The following MUC5B variants were observed in gnomAD, a reference collection of about 807,000 sequenced individuals.
MUC5B encodes the protein mucin-5B.
A neutral mutation model predicts 376.9 loss-of-function variants in MUC5B; 116 were observed. That is an observed-to-expected ratio of 0.31 (90% confidence interval 0.26 to 0.36). MUC5B has a LOEUF of 0.36. Ranked by LOEUF, MUC5B falls within the 10% of genes least tolerant of loss-of-function variation. The pLI, the probability that MUC5B is intolerant of heterozygous loss-of-function variation, is 1.00. For missense variants in MUC5B, 7,165 were observed against 7,769.9 expected (o/e 0.92, Z 2.93); for synonymous variants, 3,517 against 3,390.9 (o/e 1.04, Z -1.29).
Position 1,257,977 on chromosome 11 carries a change from C to G in MUC5B, c.16451-122C>G. 1.9e-6 allele frequency: 2 copies of G among 1,056,862 alleles called. No individual in the cohort carries two copies. Among genetic ancestry groups the G allele is most frequent in the East Asian group, 2.6e-5 (1 of 38,400 alleles). 65.5% of individuals were successfully genotyped at this position (1,056,862 alleles called of 1,614,324 possible). A position where few individuals can be genotyped will look rare whatever the true frequency, so the allele number is the denominator to read the frequency against. On this transcript the variant is annotated intron_variant, in intron 41 of 48. Transcript: ENST00000529681. The surrounding 1 kb of genome is among the most constrained non-coding windows in gnomAD (Gnocchi z 8.9). ...GGCCAAGCAAGGGGCCTGGAGGGAG[C>G]CCCCAGGGGCTGTGAAGCGGTCAGG...
chr11:1,239,904 T>A lies in MUC5B; in HGVS notation c.3689T>A (p.Val1230Asp), dbSNP rs772655651. ...GACAAGGACGGAAACTACTATGACG[T>A]CGGTGCAAGGGTCCCCACAGCGGAG... ...CYDKDGNYYD[V>D]GARVPTAENC... The change falls in exon 28 of 49, where the codon GTC becomes GAC. Residue 1230 changes from valine to aspartate, a missense_variant. Physicochemically the swap from Val to Asp is radical, Grantham distance 152. Coordinates refer to ENST00000529681, the MANE Select transcript of MUC5B (RefSeq NM_002458.3). 1 of 1,613,296 alleles carries A rather than the reference T, an allele frequency of 6.2e-7. No individual in the cohort carries two copies. Among genetic ancestry groups the A allele is most frequent in the Non-Finnish European group, 8.5e-7 (1 of 1,179,728 alleles).
At chr11:1,239,624 G>T (rs532161102) in intron 27 of MUC5B, 58 bp downstream of exon 27, 104 of 1,522,492 alleles carry the variant, frequency 6.8e-5, no homozygotes, top group East Asian at 2.7e-4. Flanking sequence ...GAGTGTACGT[G>T]GGGGGGCGGG....
Position 1,242,597 on chromosome 11 carries a change from T to A in MUC5B, c.5717T>A (p.Ile1906Asn), listed in dbSNP as rs781071165. ...TPSSTPGTTW[I>N]LTKPTTTATT... is the part of the protein sequence containing the mutation. Reference sequence around the variant, plus strand: ...TCCTCAACTCCGGGGACGACCTGGATCCTCACAAAGCCGACCACAACAGCC... The same window carrying A: ...TCCTCAACTCCGGGGACGACCTGGAACCTCACAAAGCCGACCACAACAGCC... Residue 1906 changes from isoleucine to asparagine, a missense_variant, in exon 31 of 49, where the codon ATC becomes AAC. Physicochemically the swap from Ile to Asn is moderately radical, Grantham distance 149. Around this residue, in one of 31 missense-constraint regions of MUC5B, gnomAD observed 897 missense variants for 779.6 expected, o/e 1.15. Coordinates refer to ENST00000529681, the MANE Select transcript of MUC5B (RefSeq NM_002458.3). The A allele has an allele frequency of 6.2e-7, 1 of 1,611,222 alleles. No individual in the cohort carries two copies. The highest frequency in any genetic ancestry group is 2.2e-5 in the East Asian group (1 of 44,662).
chr11:1,249,678 G>A lies in MUC5B; in HGVS notation c.12798G>A (p.Thr4266=), dbSNP rs756307198. The A allele has an allele frequency of 2.3e-5, 37 of 1,609,910 alleles. 1 individual carries two copies. Among genetic ancestry groups the A allele is most frequent in the Admixed American group, 5.0e-5 (3 of 59,842 alleles). ...TATTTASTGS[T]ATPSSTPGTA... is the part of the protein sequence containing the mutation. ...CTACGACTGCATCCACTGGATCCAC[G>A]GCCACCCCGTCCTCCACCCCGGGAA... Residue 4266 remains threonine, a synonymous_variant, in exon 31 of 49, where the codon ACG becomes ACA. Transcript: ENST00000529681.
In MUC5B at chr11:1,246,434, C is replaced by T. The variant is rs749527413; in HGVS notation, c.9554C>T (p.Ser3185Phe). ...ACCGGATCCACGGCCACCGCCTCCT[C>T]CACCCGGGCAACTGCTGGCACCCTC... ...VPTGSTATAS[S>F]TRATAGTLKV... Residue 3185 changes from serine (S) to phenylalanine (F), a missense_variant, in exon 31 of 49, where the codon TCC becomes TTC. Physicochemically the swap from Ser to Phe is radical, Grantham distance 155 (BLOSUM62 -2). Transcript: ENST00000529681. 5 of 1,613,496 alleles carry T rather than the reference C, an allele frequency of 3.1e-6. No homozygotes were observed. The East Asian group carries it at 1.1e-4, about 36-fold the overall frequency.
In MUC5B at chr11:1,256,757, G is replaced by A; in HGVS notation, c.16223G>A (p.Cys5408Tyr). The A allele has an allele frequency of 6.5e-7, 1 of 1,539,898 alleles. No individual in the cohort carries two copies. The change falls in exon 39 of 49, where the codon TGC (cysteine) becomes TAC (tyrosine). Residue 5408 changes from cysteine to tyrosine, a missense_variant. Physicochemically the swap from Cys to Tyr is radical, Grantham distance 194. Around this residue, in one of 31 missense-constraint regions of MUC5B, gnomAD observed 842 missense variants for 1,016.9 expected, o/e 0.83. Coordinates refer to ENST00000529681, the MANE Select transcript of MUC5B (RefSeq NM_002458.3). ...CTCTTCAACGCACACATGGGCATCT[G>A]CGTGCAGGCCTGCCGTAAGCTCCGC... ...QILFNAHMGICVQACPCVGPD... is the reference protein window; with the variant it reads ...QILFNAHMGIYVQACPCVGPD...
In MUC5B at chr11:1,225,729, T is replaced by C. The variant is rs774159136; in HGVS notation, c.119T>C (p.Met40Thr). ...EPSWENAGHTMDGGAPTSSPT... is the reference protein window; with the variant it reads ...EPSWENAGHTTDGGAPTSSPT... ...AGCTGGGAGAATGCAGGGCACACCATGGATGGCGGTATGTGGCCAGGTTCG... is the reference window on the plus strand; with the variant it reads ...AGCTGGGAGAATGCAGGGCACACCACGGATGGCGGTATGTGGCCAGGTTCG... The change falls in exon 2 of 49, where the codon ATG (methionine) becomes ACG (threonine). Residue 40 changes from methionine (M) to threonine (T), a missense_variant. Transcript: ENST00000529681. 8 of 1,604,598 alleles carry C rather than the reference T, an allele frequency of 5.0e-6. No individual in the cohort carries two copies. Among genetic ancestry groups the C allele is most frequent in the Non-Finnish European group, 6.0e-6 (7 of 1,176,436 alleles).
chr11:1,259,119 G>A (rs1862930070), intron 44 of MUC5B, 58 bp downstream of exon 44: 7 of 1,486,226 alleles, frequency 4.7e-6, no homozygotes, highest in African/African-American at 1.5e-5. Flanking sequence ...CCCCAAGTGA[G>A]ACCCGAGGCA....
chr11:1,229,414 G>C, intron 9 of MUC5B, 119 bp downstream of exon 9: 2 of 1,241,872 alleles, frequency 1.6e-6, no homozygotes, highest in Non-Finnish European at 2.2e-6. Flanking sequence ...CCACCAGAGG[G>C]CCCAGGGTGG....
In MUC5B at chr11:1,253,327, G is replaced by A. The variant is rs1014565041; in HGVS notation, c.15217+347G>A. Reference sequence around the variant, plus strand: ...GAGGCAGCAGAGGCTGGTTTGCTGAGCTTCTCTGCACATCAGCCTGTGTGG... The same window carrying A: ...GAGGCAGCAGAGGCTGGTTTGCTGAACTTCTCTGCACATCAGCCTGTGTGG... On this transcript the variant is annotated intron_variant, in intron 33 of 48. Coordinates refer to ENST00000529681, the MANE Select transcript of MUC5B (RefSeq NM_002458.3). This position sits in a 1 kb window ranked among gnomAD's most constrained non-coding sequence, Gnocchi z 4.3. Among the ~76,000 whole-genome samples the A allele has an allele frequency of 1.2e-4, 18 of 152,160 alleles. No homozygotes were observed. The highest frequency in any genetic ancestry group is 1.9e-4 in the Non-Finnish European group (13 of 68,012).
chr11:1,246,405 G>A lies in MUC5B; in HGVS notation c.9525G>A (p.Val3175=), dbSNP rs369652005. The A allele has an allele frequency of 2.7e-5, 44 of 1,612,710 alleles. No homozygotes were observed. The highest frequency in any genetic ancestry group is 3.6e-5 in the Non-Finnish European group (43 of 1,179,600). The part of the protein sequence containing the change: ...TEPSTTATVT[V]PTGSTATASS... ...CCAGCACTACAGCCACCGTGACGGT[G>A]CCCACCGGATCCACGGCCACCGCCT... Residue 3175 remains valine, a synonymous_variant, in exon 31 of 49, where the codon GTG becomes GTA. Transcript: ENST00000529681.
rs373491719 is a variant in MUC5B, at chr11:1,232,488, C to A, written c.1882C>A (p.Pro628Thr). The A allele has an allele frequency of 1.2e-6, 2 of 1,610,892 alleles. No homozygotes were observed. Among genetic ancestry groups the A allele is most frequent in the South Asian group, 2.2e-5 (2 of 90,600 alleles). Residue 628 changes from proline to threonine, a missense_variant, in exon 16 of 49, where the codon CCC becomes ACC. Physicochemically the swap from Pro to Thr is conservative, Grantham distance 38. This residue lies in a region of MUC5B where 530 missense variants were observed against 604.0 expected (regional missense o/e 0.88). Transcript: ENST00000529681. ...ARHWCSRLTD[P>T]NSAFSRCHSI... ...GCACTGGTGCTCGCGCCTGACCGATCCCAACAGTGCCTTCTCGCGCTGCCA... is the reference window on the plus strand; with the variant it reads ...GCACTGGTGCTCGCGCCTGACCGATACCAACAGTGCCTTCTCGCGCTGCCA...
rs563311124 is a variant in MUC5B, at chr11:1,259,067, A to G, written c.16713+6A>G. ...ACAATACTACCTGTCCCCAGGTGAG[A>G]CCCGAGGCACCTGCCCCCAGGTGAG... On this transcript the variant is annotated splice_donor_region_variant and intron_variant, in intron 44 of 48. Transcript: ENST00000529681. 6.5e-7 allele frequency: 1 copy of G among 1,544,764 alleles called. No homozygotes were observed. The highest frequency in any genetic ancestry group is 1.4e-5 in the African/African-American group (1 of 72,496).
Position 1,254,856 on chromosome 11 carries a change from C to T in MUC5B, c.15640C>T (p.His5214Tyr). Residue 5214 changes from histidine to tyrosine, a missense_variant, in exon 35 of 49, where the codon CAC becomes TAC. His to Tyr is a moderately conservative substitution (Grantham distance 83). This residue lies in a region of MUC5B where 842 missense variants were observed against 1,016.9 expected (regional missense o/e 0.83). Transcript: ENST00000529681. ...GGCCCGGCTGCCCTACAGCCTCTTCCACAACAACACCGAGGGCCAGTGCGG... is the reference window on the plus strand; with the variant it reads ...GGCCCGGCTGCCCTACAGCCTCTTCTACAACAACACCGAGGGCCAGTGCGG... ...FQARLPYSLF[H>Y]NNTEGQCGTC... The T allele has an allele frequency of 6.2e-7, 1 of 1,611,990 alleles. No homozygotes were observed. Among genetic ancestry groups the T allele is most frequent in the East Asian group, 2.2e-5 (1 of 44,876 alleles).
rs1180215116 is a variant in MUC5B at position 1,228,754 on chromosome 11, C to T, written c.965C>T (p.Pro322Leu). ...GGCCAGCCGCGGAACTGGAGGTGCC[C>T]TGAGCTCTGCCGTGAGTGCTCCCAG... is the stretch of plus-strand genomic sequence containing the variant. ...AGGQPRNWRC[P>L]ELCPRTCPLN... The change falls in exon 8 of 49, where the codon CCT (proline) becomes CTT (leucine). Residue 322 changes from proline to leucine, a missense_variant. By Grantham distance (98) the Pro-to-Leu change is moderately conservative (BLOSUM62 -3). Coordinates refer to ENST00000529681, the MANE Select transcript of MUC5B (RefSeq NM_002458.3). The T allele has an allele frequency of 6.6e-7, 1 of 1,506,466 alleles. No homozygotes were observed. The highest frequency in any genetic ancestry group is 2.5e-5 in the East Asian group (1 of 39,574). 93.3% of individuals were successfully genotyped at this position (1,506,466 alleles called of 1,614,324 possible). A position where few individuals can be genotyped will look rare whatever the true frequency, so the allele number is the denominator to read the frequency against.
intron 31 of MUC5B, 38 bp downstream of exon 31, chr11:1,251,781 C>T (rs1229754572): frequency 2.8e-6 from 4 of 1,418,300 alleles, no homozygotes; most frequent in East Asian, 2.3e-5. Flanking sequence ...ACCCTTTCCC[C>T]ACATGCTATG....
At chr11:1,236,307 G>A (rs1390555362) in intron 23 of MUC5B, 79 bp from the exon 24 acceptor site, 2 of 1,439,816 alleles carry the variant, frequency 1.4e-6, no homozygotes, top group Non-Finnish European at 9.4e-7. Context: ...GCAGAGCACT[G>A]GGTGGGGCAT....
chr11:1,242,985 T>A lies in MUC5B; in HGVS notation c.6105T>A (p.Ser2035=). ...CCACCACAACTGGGGCCACCGGCTC[T>A]GTGGCCACCCCCTCCTCCACCCCAG... ...ATATTTGATG[S]VATPSSTPGT... The change falls in exon 31 of 49, where the codon TCT becomes TCA. Residue 2035 remains serine (S), a synonymous_variant. Coordinates refer to ENST00000529681, the MANE Select transcript of MUC5B (RefSeq NM_002458.3). 2 of 1,609,564 alleles carry A rather than the reference T, an allele frequency of 1.2e-6. No homozygotes were observed. Among genetic ancestry groups the A allele is most frequent in the Non-Finnish European group, 1.7e-6 (2 of 1,178,410 alleles).
At position 1,258,582 on chromosome 11, in the gene MUC5B, G is replaced by T. The variant is rs1590193496; in HGVS notation, c.16593+215G>T. On this transcript the variant is annotated intron_variant, in intron 43 of 48. Coordinates refer to ENST00000529681, the MANE Select transcript of MUC5B (RefSeq NM_002458.3). This position sits in a 1 kb window ranked among gnomAD's most constrained non-coding sequence, Gnocchi z 5.5. ...GCTCCACAACTGCTGCCTCTGAGAGGTCCCTTCAGGGGCTCCCAGCAACAG... is the reference window on the plus strand; with the variant it reads ...GCTCCACAACTGCTGCCTCTGAGAGTTCCCTTCAGGGGCTCCCAGCAACAG... Among the ~76,000 whole-genome samples, 1 of 152,152 alleles carries T rather than the reference G, an allele frequency of 6.6e-6. No homozygotes were observed. Among genetic ancestry groups the T allele is most frequent in the African/African-American group, 2.4e-5 (1 of 41,430 alleles).
Sources: allele counts gnomAD v4.1 joint callset (sites outside exome capture counted in the v4.1 genomes callset), GRCh38; gene constraint gnomAD v4.1.1; regional missense constraint gnomAD v4.1.1; non-coding constraint Gnocchi (gnomAD v3.1); transcripts MANE v1.5; gene names NCBI Gene and HGNC (gene_info 2026-07-23, HGNC 2026-07-21).